Variants in KCND2 observed in about 807,000 individuals in gnomAD.
The protein encoded by KCND2 is potassium voltage-gated channel subfamily D member 2, also known as A-type voltage-gated potassium channel KCND2.
KCND2 carries 16 observed loss-of-function variants against 54.4 expected under a neutral mutation model. That is an observed-to-expected ratio of 0.29 (90% CI 0.20 to 0.45). The LOEUF (loss-of-function observed/expected upper bound fraction) is 0.45, where lower values mean the gene tolerates loss of function less well. Ranked by LOEUF, KCND2 falls within the 20% of genes least tolerant of loss-of-function variation. The pLI is 1.00. For missense variants in KCND2, 486 were observed against 824.2 expected (o/e 0.59, Z 5.02); for synonymous variants, 317 against 310.7 (o/e 1.02, Z -0.21).
chr7:120,683,358 T>C (rs1475316784), intron 1 of KCND2, among the ~76,000 whole-genome samples: 1 of 152,116 alleles, frequency 6.6e-6, no homozygotes, highest in Non-Finnish European at 1.5e-5. Flanking sequence ...TAATGATGAG[T>C]ATCCTAGAGA....
At chr7:120,386,229 G>A (rs1044703204) in intron 1 of KCND2, among the ~76,000 whole-genome samples, 1 of 152,050 alleles carries the variant, frequency 6.6e-6, no homozygotes, top group East Asian at 1.9e-4. Context: ...GAAACATTTT[G>A]CTATAATAAA....
rs544969338 is a variant in KCND2, at chr7:120,618,303, G to A, written c.1116-114600G>A. Reference sequence around the variant, plus strand: ...CTGTATACAAAAATATTTTCTATTTGTATTTTAGATATCAAAGACTGTGTT... The same window carrying A: ...CTGTATACAAAAATATTTTCTATTTATATTTTAGATATCAAAGACTGTGTT... On this transcript the variant is annotated intron_variant, in intron 1 of 5. Coordinates refer to ENST00000331113, the MANE Select transcript of KCND2 (RefSeq NM_012281.3). Among the ~76,000 whole-genome samples, 6 of 151,406 alleles carry A rather than the reference G, an allele frequency of 4.0e-5. No individual in the cohort carries two copies. In the South Asian group the frequency reaches 1.2e-3, roughly 31 times the overall value.
intron 1 of KCND2, among the ~76,000 whole-genome samples, chr7:120,523,455 T>A (rs1248809746): frequency 1.3e-5 from 2 of 150,414 alleles, no homozygotes; most frequent in African/African-American, 4.9e-5. Context: ...ATGGACTAAG[T>A]CATCCATTTA....
At chr7:120,699,179 G>C (rs2116022591) in intron 1 of KCND2, among the ~76,000 whole-genome samples, 1 of 152,134 alleles carries the variant, frequency 6.6e-6, no homozygotes, top group Middle Eastern at 3.4e-3. Flanking sequence ...CTACTTGGGA[G>C]GCTGAGGCAG....
intron 4 of KCND2, 63 bp downstream of exon 4, chr7:120,742,665 A>C: frequency 8.9e-6 from 11 of 1,238,104 alleles, no homozygotes; most frequent in Non-Finnish European, 1.3e-5. Flanking sequence ...GCTTTTGTGC[A>C]TACTTAATGC....
chr7:120,447,272 A>G (rs987281643), intron 1 of KCND2, among the ~76,000 whole-genome samples: 2 of 152,010 alleles, frequency 1.3e-5, no homozygotes, highest in Non-Finnish European at 2.9e-5. Context: ...GTCTCTCTAA[A>G]GGCAAGAATG....
At chr7:120,510,915 C>A (rs1396936729) in intron 1 of KCND2, among the ~76,000 whole-genome samples, 1 of 151,460 alleles carries the variant, frequency 6.6e-6, no homozygotes, top group East Asian at 1.9e-4. Flanking sequence ...AATCCAATAC[C>A]CATGTCTTCC....
In KCND2 at chr7:120,274,566, C is replaced by A; in HGVS notation, c.-67C>A. The A allele has an allele frequency of 1.3e-6, 2 of 1,598,728 alleles. No individual in the cohort carries two copies. Among genetic ancestry groups the A allele is most frequent in the South Asian group, 1.1e-5 (1 of 90,614 alleles). On this transcript the variant is annotated 5_prime_UTR_variant, in exon 1 of 6. Coordinates refer to ENST00000331113, the MANE Select transcript of KCND2 (RefSeq NM_012281.3). ...TTGCTTGACTGGAGGAAGTGGGTGACTTTTGGCTGCTTCGGTGACCCATTG... is the reference window on the plus strand; with the variant it reads ...TTGCTTGACTGGAGGAAGTGGGTGAATTTTGGCTGCTTCGGTGACCCATTG...
intron 1 of KCND2, among the ~76,000 whole-genome samples, chr7:120,585,475 T>G (rs1490652010): frequency 6.6e-6 from 1 of 151,986 alleles, no homozygotes; most frequent in African/African-American, 2.4e-5. Context: ...ACAGAATGAA[T>G]AGAGGAAAGA....
rs140527666 is a variant in KCND2, at chr7:120,613,319, T to C, written c.1116-119584T>C. On this transcript the variant is annotated intron_variant, in intron 1 of 5. Coordinates refer to ENST00000331113, the MANE Select transcript of KCND2 (RefSeq NM_012281.3). ...GCCAAGGTAGGCAGATCACATGAGG[T>C]CAGGAGTTCAAGACAGCCTGGCCAA... Among the ~76,000 whole-genome samples the C allele has an allele frequency of 4.2e-3, 643 of 152,118 alleles. 2 individuals carry two copies. The highest frequency in any genetic ancestry group is 0.014 in the African/African-American group (596 of 41,496).
chr7:120,621,771 C>T lies in KCND2; in HGVS notation c.1116-111132C>T, dbSNP rs115891439. ...TCAGTAACAAGAAGAGGAAACATTG[C>T]GCGTGTGAGAAGAAAACAAGATTAA... On this transcript the variant is annotated intron_variant, in intron 1 of 5. Coordinates refer to ENST00000331113, the MANE Select transcript of KCND2 (RefSeq NM_012281.3). Among the ~76,000 whole-genome samples the T allele has an allele frequency of 5.9e-3, 901 of 152,048 alleles. 15 individuals are homozygous for T. Among genetic ancestry groups the T allele is most frequent in the African/African-American group, 0.02 (849 of 41,474 alleles).
chr7:120,380,439 CT>C (rs1421625714), intron 1 of KCND2, among the ~76,000 whole-genome samples: 1 of 151,892 alleles, frequency 6.6e-6, no homozygotes, highest in Non-Finnish European at 1.5e-5. Context: ...AACTGGGGAC[CT>C]GAAGTGGCTT....
At chr7:120,336,927 A>G (rs1194905155) in intron 1 of KCND2, among the ~76,000 whole-genome samples, 2 of 152,204 alleles carry the variant, frequency 1.3e-5, no homozygotes, top group African/African-American at 2.4e-5. Flanking sequence ...TCTCTCCATC[A>G]TGGCTTTGTT....
chr7:120,352,356 A>G (rs183962184), intron 1 of KCND2, among the ~76,000 whole-genome samples: 39 of 152,102 alleles, frequency 2.6e-4, no homozygotes, highest in African/African-American at 9.2e-4. Flanking sequence ...CCAAATACAT[A>G]CATATGTATG....
At chr7:120,333,945 CAT>C (rs1488685597) in intron 1 of KCND2, among the ~76,000 whole-genome samples, 2 of 152,036 alleles carry the variant, frequency 1.3e-5, no homozygotes, top group Non-Finnish European at 2.9e-5. Flanking sequence ...TTTAACATGT[CAT>C]GTGTATATAA....
chr7:120,536,562 G>A (rs192624346), intron 1 of KCND2, among the ~76,000 whole-genome samples: 82 of 152,230 alleles, frequency 5.4e-4, no homozygotes, highest in Admixed American at 5.4e-3. Flanking sequence ...AACAAAATTT[G>A]TGTAATATCC....
At chr7:120,635,673 C>T (rs1562894461) in intron 1 of KCND2, among the ~76,000 whole-genome samples, 1 of 152,016 alleles carries the variant, frequency 6.6e-6, no homozygotes, top group Non-Finnish European at 1.5e-5. Flanking sequence ...TTATTAAGGG[C>T]AATAAAAACT....
At chr7:120,433,131 C>T (rs9691284) in intron 1 of KCND2, among the ~76,000 whole-genome samples, 9,330 of 152,154 alleles carry the variant, frequency 0.061, 878 homozygotes, top group African/African-American at 0.21. Flanking sequence ...ATCGTGTGGA[C>T]GCTTTTTCAA....
At chr7:120,413,470 T>C (rs1485473561) in intron 1 of KCND2, among the ~76,000 whole-genome samples, 1 of 151,968 alleles carries the variant, frequency 6.6e-6, no homozygotes, top group Non-Finnish European at 1.5e-5. Flanking sequence ...TTTTGATATA[T>C]AATGTCAATA....
Sources: gnomAD v4.1 joint callset for allele counts (sites outside exome capture counted in the v4.1 genomes callset) on GRCh38, gnomAD v4.1.1 for gene constraint, MANE v1.5 for transcripts, NCBI Gene and HGNC (gene_info 2026-07-23, HGNC 2026-07-21) for gene names.